Variants in USP31 observed in about 807,000 individuals in gnomAD.
USP31 encodes ubiquitin specific peptidase 31.
In USP31, 44 loss-of-function variants were observed where a neutral mutation model predicts 119.4. The ratio of observed to expected loss-of-function variants is 0.37; its 90% CI spans 0.29 to 0.47. The LOEUF is 0.47. Among genes scored for constraint, USP31 ranks in the 20% least tolerant of loss-of-function variants. The pLI, the probability that USP31 is intolerant of heterozygous loss-of-function variation, is 0.99. For missense variants in USP31, 1,643 were observed against 1,730.2 expected, an observed-to-expected ratio of 0.95 and a Z score of 0.89; for synonymous variants, 749 against 705.6, an observed-to-expected ratio of 1.06 and a Z score of -0.97.
intron 6 of USP31, among the ~76,000 whole-genome samples, chr16:23,101,319 A>G (rs1178267493): frequency 1.3e-5 from 2 of 152,194 alleles, no homozygotes; most frequent in Non-Finnish European, 2.9e-5. Context: ...AGAGGAGGAT[A>G]GTAGTGCCAT....
chr16:23,149,206 G>T lies in USP31; in HGVS notation c.65C>A (p.Ser22Tyr). Residue 22 changes from serine to tyrosine, a missense_variant, in exon 1 of 16, where the codon TCC becomes TAC. By Grantham distance (144) the Ser-to-Tyr change is moderately radical. This residue lies in a region of USP31 where 302 missense variants were observed against 262.6 expected (regional missense o/e 1.15). Coordinates refer to ENST00000219689, the MANE Select transcript of USP31 (RefSeq NM_020718.4). ...GCTCCGAAACAGCCGCTTGCTGAAG[G>T]AGCGCTTCTCCTTCCCGCTCGCCGC... ...PAAASGKEKR[S>Y]FSKRLFRSGR... is the part of the protein sequence containing the mutation. 8.7e-7 allele frequency: 1 copy of T among 1,153,122 alleles called. No homozygotes were observed. The highest frequency in any genetic ancestry group is 1.1e-6 in the Non-Finnish European group (1 of 934,764). 71.4% of individuals were successfully genotyped at this position (1,153,122 alleles called of 1,614,324 possible). A position where few individuals can be genotyped will look rare whatever the true frequency, so the allele number is the denominator to read the frequency against.
At chr16:23,105,729 AAGCAGAACTGTC>A (rs1567237674) in intron 4 of USP31, among the ~76,000 whole-genome samples, 153 bp from the exon 5 acceptor site, 1 of 152,220 alleles carries the variant, frequency 6.6e-6, no homozygotes, top group East Asian at 1.9e-4. Context: ...ACTTGGCTCT[AAGCAGAACTGTC>A]AAACAATCAT....
chr16:23,093,989 G>T (rs1162115696), intron 6 of USP31, among the ~76,000 whole-genome samples: 3 of 152,176 alleles, frequency 2.0e-5, no homozygotes, highest in African/African-American at 7.2e-5. Flanking sequence ...ATCTCATTGG[G>T]ACGGTTGGAC....
Position 23,068,383 on chromosome 16 carries a change from G to C in USP31, c.3722C>G (p.Ser1241Trp), listed in dbSNP as rs1169283735. 2 of 1,613,934 alleles carry C rather than the reference G, an allele frequency of 1.2e-6. No homozygotes were observed. The highest frequency in any genetic ancestry group is 1.7e-6 in the Non-Finnish European group (2 of 1,180,050). Residue 1241 changes from serine to tryptophan, a missense_variant, in exon 16 of 16, where the codon TCG becomes TGG. Around this residue, in one of 5 missense-constraint regions of USP31, gnomAD observed 699 missense variants for 650.9 expected, o/e 1.07. Transcript: ENST00000219689. ...CAAGGCTGTCTTGCCAAGATCCGTC[G>C]AGCGCCGGGTTTCCTTCTGTCTCAA... ...SALRQKETRR[S>W]TDLGKTALLS...
At chr16:23,145,475 G>A (rs760428941) in intron 1 of USP31, among the ~76,000 whole-genome samples, 3 of 152,054 alleles carry the variant, frequency 2.0e-5, no homozygotes, top group Admixed American at 1.3e-4. Context: ...AAACCCAAAT[G>A]CCCACCCTCC....
In USP31 at chr16:23,068,241, C is replaced by T. The variant is rs747486544; in HGVS notation, c.3864G>A (p.Thr1288=). 37 of 1,614,008 alleles carry T rather than the reference C, an allele frequency of 2.3e-5. No homozygotes were observed. The highest frequency in any genetic ancestry group is 2.0e-4 in the East Asian group (9 of 44,884). Residue 1288 remains threonine (T), a synonymous_variant, in exon 16 of 16, where the codon ACG becomes ACA. Transcript: ENST00000219689. The part of the protein sequence containing the change: ...PASQQPNANT[T]GKEQLVTKDP... ...CCTTGGTGACAAGCTGCTCTTTTCC[C>T]GTTGTATTTGCATTTGGCTGCTGGG...
chr16:23,124,740 T>C (rs2141890659), intron 1 of USP31, among the ~76,000 whole-genome samples: 1 of 152,034 alleles, frequency 6.6e-6, no homozygotes. Context: ...AATACAAAAA[T>C]TAGCCAGGTG....
rs1903659335 is a variant in USP31, at chr16:23,149,432, G to A, written c.-162C>T. On this transcript the variant is annotated 5_prime_UTR_variant, in exon 1 of 16. Transcript: ENST00000219689. ...AGCCAGCGAGCGAGCGGCGGCCGGC[G>A]GGGCCAGCGGGCGCGCGCGCGGTCC... Among the ~76,000 whole-genome samples, 1 of 148,120 alleles carries A rather than the reference G, an allele frequency of 6.8e-6. No homozygotes were observed. Among genetic ancestry groups the A allele is most frequent in the African/African-American group, 2.4e-5 (1 of 40,972 alleles).
At chr16:23,132,045 C>G (rs900429830) in intron 1 of USP31, among the ~76,000 whole-genome samples, 7 of 152,154 alleles carry the variant, frequency 4.6e-5, no homozygotes, top group African/African-American at 9.7e-5. Context: ...GAAGAAGCAA[C>G]AGATGTTCAG....
Position 23,087,853 on chromosome 16 carries a change from T to A in USP31, c.1416-18A>T. ...GTCCAAATCTAACACACATCAACAA[T>A]GTAATCACCTTTAAAGTACGGTAAT... On this transcript the variant is annotated intron_variant, in intron 7 of 15. Coordinates refer to ENST00000219689, the MANE Select transcript of USP31 (RefSeq NM_020718.4). 3 of 1,595,334 alleles carry A rather than the reference T, an allele frequency of 1.9e-6. 1 individual carries two copies. The South Asian group carries it at 3.3e-5, about 18-fold the overall frequency.
intron 1 of USP31, among the ~76,000 whole-genome samples, chr16:23,146,141 G>A (rs991037855): frequency 3.3e-5 from 5 of 150,228 alleles, no homozygotes; most frequent in African/African-American, 1.2e-4. Flanking sequence ...TGGAAAAGAG[G>A]AGAAAACCAA....
chr16:23,073,650 G>A (rs1214671745), intron 14 of USP31, 72 bp downstream of exon 14: 1 of 1,538,982 alleles, frequency 6.5e-7, no homozygotes, highest in Non-Finnish European at 8.8e-7. Context: ...AGCCTCCAGA[G>A]AGGTCCTCTA....
At chr16:23,138,292 AC>A (rs751438801) in intron 1 of USP31, among the ~76,000 whole-genome samples, 1 of 152,244 alleles carries the variant, frequency 6.6e-6, no homozygotes, top group Non-Finnish European at 1.5e-5. Context: ...TTACCATGGG[AC>A]CACAAATAAA....
At chr16:23,116,925 T>C (rs1902502897) in intron 1 of USP31, among the ~76,000 whole-genome samples, 1 of 152,224 alleles carries the variant, frequency 6.6e-6, no homozygotes, top group African/African-American at 2.4e-5. Context: ...AGCATGTTAT[T>C]CCTGGTACAG....
At chr16:23,072,271 G>A (rs759520746) in intron 14 of USP31, 74 bp from the exon 15 acceptor site, 1 of 1,545,680 alleles carries the variant, frequency 6.5e-7, no homozygotes, top group Non-Finnish European at 8.7e-7. Flanking sequence ...ACACCCTCAT[G>A]AAGGTGTTAC....
At chr16:23,119,576 G>A (rs1395599943) in intron 1 of USP31, among the ~76,000 whole-genome samples, 1 of 152,206 alleles carries the variant, frequency 6.6e-6, no homozygotes, top group Non-Finnish European at 1.5e-5. Context: ...GCACGACTGA[G>A]CTACAGCTGC....
chr16:23,069,067 C>T lies in USP31; in HGVS notation c.3038G>A (p.Gly1013Asp), dbSNP rs912602720. 2 of 1,612,344 alleles carry T rather than the reference C, an allele frequency of 1.2e-6. No individual in the cohort carries two copies. Among genetic ancestry groups the T allele is most frequent in the Admixed American group, 1.7e-5 (1 of 60,004 alleles). The change falls in exon 16 of 16, where the codon GGC (glycine) becomes GAC (aspartate). Residue 1013 changes from glycine (G) to aspartate (D), a missense_variant. Around this residue, in one of 5 missense-constraint regions of USP31, gnomAD observed 699 missense variants for 650.9 expected, o/e 1.07. Coordinates refer to ENST00000219689, the MANE Select transcript of USP31 (RefSeq NM_020718.4). Reference sequence around the variant, plus strand: ...GCTCTCTGGTTTCTTTGCGAGTGAGCCTGGGTGGCTGGGGGCTTTCACCTC... The same window carrying T: ...GCTCTCTGGTTTCTTTGCGAGTGAGTCTGGGTGGCTGGGGGCTTTCACCTC... ...VKEVKAPSHP[G>D]SLAKKPESTT...
At chr16:23,072,270 T>C (rs769845348) in intron 14 of USP31, 73 bp from the exon 15 acceptor site, 61 of 1,547,140 alleles carry the variant, frequency 3.9e-5, no homozygotes, top group Non-Finnish European at 5.0e-5. Context: ...CACACCCTCA[T>C]GAAGGTGTTA....
chr16:23,126,357 G>C (rs1295290442), intron 1 of USP31, among the ~76,000 whole-genome samples: 3 of 150,216 alleles, frequency 2.0e-5, no homozygotes, highest in East Asian at 1.9e-4. Context: ...GGGCGTAGTG[G>C]CTCACGCCTG....
Sources: allele counts gnomAD v4.1 joint callset (sites outside exome capture counted in the v4.1 genomes callset), GRCh38; gene constraint gnomAD v4.1.1; regional missense constraint gnomAD v4.1.1; transcripts MANE v1.5; gene names NCBI Gene and HGNC (gene_info 2026-07-23, HGNC 2026-07-21).